The following PHKA1 variants were observed in gnomAD, a reference collection of about 807,000 sequenced individuals.
PHKA1 encodes phosphorylase kinase regulatory subunit alpha 1.
PHKA1 carries 60 observed loss-of-function variants against 110.2 expected under a neutral mutation model. That is an observed-to-expected ratio of 0.54 (90% CI 0.44 to 0.68). PHKA1 has a LOEUF of 0.68. PHKA1 is among the 30% of genes least tolerant of loss of function. The pLI is 0.00. For synonymous variants in PHKA1, 316 were observed against 333.6 expected (o/e 0.95, Z 0.58); for missense variants, 801 against 942.5 (o/e 0.85, Z 1.97).
intron 2 of PHKA1, among the ~76,000 whole-genome samples, chrX:72,708,528 G>A (rs968046708): frequency 6.3e-5 from 7 of 111,406 alleles, no homozygotes; most frequent in African/African-American, 2.3e-4. Context: ...AAAGATTGTC[G>A]AGGATGGAAA....
chrX:72,707,630 CGT>C (rs61504690), intron 2 of PHKA1, among the ~76,000 whole-genome samples: 2,030 of 93,366 alleles, frequency 0.022, 21 homozygotes, highest in African/African-American at 0.043. Flanking sequence ...ATCAAAAAAT[CGT>C]GTGTGTGTGT....
intron 16 of PHKA1, among the ~76,000 whole-genome samples, chrX:72,632,578 C>T (rs186687435): frequency 1.3e-3 from 141 of 111,051 alleles, no homozygotes; most frequent in African/African-American, 4.2e-3. Context: ...AAATAGCATC[C>T]ACCTGGATGC....
In PHKA1 at chrX:72,713,386, T is replaced by C. The variant is rs539299550; in HGVS notation, c.78+417A>G. 1.4e-3 allele frequency among the ~76,000 whole-genome samples: 152 copies of C among 111,369 alleles called. No individual in the cohort carries two copies. The Middle Eastern group carries it at 0.023, about 17-fold the overall frequency. On this transcript the variant is annotated intron_variant, in intron 1 of 31. Coordinates refer to ENST00000373542, the MANE Select transcript of PHKA1 (RefSeq NM_002637.4). ...CTTACTCATCTTATAACTGAAACTTTGTGCCCTTTGCAAATACTATCTTGA... is the reference window on the plus strand; with the variant it reads ...CTTACTCATCTTATAACTGAAACTTCGTGCCCTTTGCAAATACTATCTTGA...
intron 29 of PHKA1, among the ~76,000 whole-genome samples, chrX:72,585,713 C>T (rs782666147): frequency 1.5e-4 from 17 of 112,187 alleles, no homozygotes; most frequent in Admixed American, 3.8e-4. Context: ...GAGACACTCC[C>T]GCCCAAATAC....
At chrX:72,607,212 G>A (rs953044178) in intron 23 of PHKA1, among the ~76,000 whole-genome samples, 2 of 111,725 alleles carry the variant, frequency 1.8e-5, no homozygotes, top group Non-Finnish European at 3.8e-5. Flanking sequence ...TCAATATACC[G>A]ATTTCCTTTC....
chrX:72,676,071 T>C lies in PHKA1; in HGVS notation c.617A>G (p.Lys206Arg), dbSNP rs1386298212. 1.7e-6 allele frequency: 2 copies of C among 1,199,741 alleles called. No homozygotes were observed. The highest frequency in any genetic ancestry group is 2.3e-6 in the Non-Finnish European group (2 of 886,503). ...ELNASSVGMA[K>R]AALEALDELD... is the part of the protein sequence containing the mutation. ...GTACAAACAGGAAAGGAAAATTACC[T>C]TTGCCATTCCAACTGAACTGGCATT... is the stretch of plus-strand genomic sequence containing the variant. Residue 206 changes from lysine to arginine, a missense_variant and splice_region_variant, in exon 6 of 32, where the codon AAG becomes AGG. Lys to Arg is a conservative substitution (Grantham distance 26). Around this residue, in one of 2 missense-constraint regions of PHKA1, gnomAD observed 299 missense variants for 423.3 expected, o/e 0.71. Transcript: ENST00000373542.
chrX:72,670,214 T>C (rs1556308344), intron 6 of PHKA1, among the ~76,000 whole-genome samples: 1 of 111,529 alleles, frequency 9.0e-6, no homozygotes, highest in Non-Finnish European at 1.9e-5. Context: ...TTGCCCACTT[T>C]TTGATGGGGT....
At chrX:72,610,563 A>G (rs1374714584) in intron 22 of PHKA1, among the ~76,000 whole-genome samples, 4 of 112,045 alleles carry the variant, frequency 3.6e-5, no homozygotes, top group African/African-American at 1.3e-4. Context: ...GCTATTGGGA[A>G]TAGTGCTACA....
intron 29 of PHKA1, among the ~76,000 whole-genome samples, chrX:72,591,580 A>AC (rs1180459411): frequency 9.0e-6 from 1 of 111,600 alleles, no homozygotes; most frequent in African/African-American, 3.3e-5. Context: ...AGAAAAAAAA[A>AC]CCTTTACAGA....
chrX:72,673,277 C>T (rs1458507265), intron 6 of PHKA1, among the ~76,000 whole-genome samples: 1 of 111,362 alleles, frequency 9.0e-6, no homozygotes, highest in African/African-American at 3.3e-5. Flanking sequence ...CTGCAATGTA[C>T]TCTCTACTGG....
At chrX:72,623,065 G>A (rs781985813) in intron 18 of PHKA1, 44 bp downstream of exon 18, 1 of 1,207,409 alleles carries the variant, frequency 8.3e-7, no homozygotes, top group Admixed American at 2.2e-5. Flanking sequence ...ACAATATTTT[G>A]TAGTTTTGTC....
chrX:72,668,984 T>C (rs1282826006), intron 6 of PHKA1, among the ~76,000 whole-genome samples: 1 of 112,474 alleles, frequency 8.9e-6, no homozygotes, highest in Non-Finnish European at 1.9e-5. Flanking sequence ...TTAAAGCAAG[T>C]CTTAAACCCA....
chrX:72,680,229 G>C (rs112243559), intron 5 of PHKA1, among the ~76,000 whole-genome samples: 1 of 111,436 alleles, frequency 9.0e-6, no homozygotes, highest in Non-Finnish European at 1.9e-5. Context: ...GGTCAGGCTG[G>C]TCTCAAACTC....
At chrX:72,658,458 CAAAA>C (rs34964050) in intron 8 of PHKA1, among the ~76,000 whole-genome samples, 1 of 40,436 alleles carries the variant, frequency 2.5e-5, no homozygotes, top group Non-Finnish European at 5.3e-5. Flanking sequence ...GACTTTGTTT[CAAAA>C]AAAAAAAAAA....
At chrX:72,625,914 C>A (rs181348989) in intron 17 of PHKA1, among the ~76,000 whole-genome samples, 1 of 111,369 alleles carries the variant, frequency 9.0e-6, no homozygotes, top group East Asian at 2.8e-4. Context: ...GATCTGCCCC[C>A]CTTGGCCTCC....
intron 3 of PHKA1, 45 bp downstream of exon 3, chrX:72,705,153 T>C (rs782095956): frequency 6.4e-6 from 6 of 930,357 alleles, no homozygotes; most frequent in South Asian, 2.0e-5. Flanking sequence ...GAGATACTAT[T>C]ACAATGTGCT....
intron 31 of PHKA1, among the ~76,000 whole-genome samples, chrX:72,581,420 T>G (rs2052335658): frequency 8.9e-6 from 1 of 111,759 alleles, no homozygotes; most frequent in Admixed American, 9.5e-5. Context: ...GTTTAGAATT[T>G]TCCCCATTAT....
intron 29 of PHKA1, among the ~76,000 whole-genome samples, chrX:72,589,750 G>C (rs1410863258): frequency 1.9e-5 from 2 of 107,029 alleles, no homozygotes; most frequent in African/African-American, 6.7e-5. Context: ...CAAAATCAAT[G>C]TGCAAAATTC....
At chrX:72,583,490 G>A (rs1010885659) in intron 30 of PHKA1, among the ~76,000 whole-genome samples, 3 of 111,497 alleles carry the variant, frequency 2.7e-5, no homozygotes, top group Non-Finnish European at 5.7e-5. Flanking sequence ...TAGAGAAAAG[G>A]CCTGTAGGCA....
Sources: allele counts gnomAD v4.1 joint callset (sites outside exome capture counted in the v4.1 genomes callset), GRCh38; gene constraint gnomAD v4.1.1; regional missense constraint gnomAD v4.1.1; transcripts MANE v1.5; gene names NCBI Gene and HGNC (gene_info 2026-07-23, HGNC 2026-07-21).